The following WWP1 variants were observed in gnomAD, a reference collection of about 807,000 sequenced individuals.
The protein encoded by WWP1 is NEDD4-like E3 ubiquitin-protein ligase WWP1.
WWP1 carries 49 observed loss-of-function variants against 130.6 expected under a neutral mutation model. That is an observed-to-expected ratio of 0.38 (90% CI 0.30 to 0.48). The LOEUF is 0.48. WWP1 is among the 20% of genes least tolerant of loss of function. WWP1 has a pLI of 0.99. For missense variants in WWP1, 809 were observed against 1,100.6 expected (o/e 0.74, Z 3.75); for synonymous variants, 332 against 367.8 (o/e 0.90, Z 1.11).
chr8:86,400,436 A>T (rs542986651), intron 7 of WWP1, among the ~76,000 whole-genome samples: 1 of 152,254 alleles, frequency 6.6e-6, no homozygotes, highest in East Asian at 1.9e-4. Flanking sequence ...ACAGGACAAG[A>T]TGACAGGAAT....
chr8:86,417,418 A>G (rs966300516), intron 9 of WWP1: 1 of 152,216 alleles, frequency 6.6e-6, no homozygotes, highest in Non-Finnish European at 1.5e-5. Context: ...TAGAAAATGC[A>G]CTTTAGAAAA....
chr8:86,345,965 A>T (rs1563452258), intron 1 of WWP1, among the ~76,000 whole-genome samples: 1 of 152,166 alleles, frequency 6.6e-6, no homozygotes, highest in African/African-American at 2.4e-5. Flanking sequence ...GTTGACAATG[A>T]TGGTGTTCTT....
Position 86,467,118 on chromosome 8 carries a change from T to G in WWP1, c.*225T>G, listed in dbSNP as rs544707617. 1 of 403,592 alleles carries G rather than the reference T, an allele frequency of 2.5e-6. No homozygotes were observed. Among genetic ancestry groups the G allele is most frequent in the East Asian group, 5.0e-5 (1 of 19,856 alleles). 25.0% of individuals were successfully genotyped at this position (403,592 alleles called of 1,614,324 possible). ...CCAGGAAAAAGATCATCCTTAAATT[T>G]TGAAGCAAGTGAGAGACTTTATTAA... is the stretch of plus-strand genomic sequence containing the variant. On this transcript the variant is annotated 3_prime_UTR_variant, in exon 25 of 25. Transcript: ENST00000517970.
Position 86,425,203 on chromosome 8 carries a change from T to C in WWP1, c.1062-20T>C, listed in dbSNP as rs766057304. 18 of 1,592,086 alleles carry C rather than the reference T, an allele frequency of 1.1e-5. No individual in the cohort carries two copies. The highest frequency in any genetic ancestry group is 2.7e-5 in the African/African-American group (2 of 73,858). On this transcript the variant is annotated intron_variant, in intron 9 of 24. Transcript: ENST00000517970. The stretch of plus-strand genomic sequence containing the variant: ...CCTAGTGTGTTGTCTCTTACTGTTA[T>C]TTTTGTATTTTTATTAAAGGTGGGA...
At chr8:86,462,857 C>T (rs1285332910) in intron 24 of WWP1, among the ~76,000 whole-genome samples, 5 of 150,352 alleles carry the variant, frequency 3.3e-5, no homozygotes, top group Non-Finnish European at 7.4e-5. Flanking sequence ...TATTCTTCAA[C>T]ACCATACCCT....
chr8:86,427,844 C>T, intron 11 of WWP1, 27 bp downstream of exon 11: 1 of 1,575,440 alleles, frequency 6.3e-7, no homozygotes, highest in Non-Finnish European at 8.6e-7. Context: ...AAGATGTTAA[C>T]ATAACTTCCT....
In WWP1 at chr8:86,431,704, C is replaced by T; in HGVS notation, c.1562C>T (p.Thr521Ile). The T allele has an allele frequency of 6.2e-7, 1 of 1,613,856 alleles. No homozygotes were observed. The highest frequency in any genetic ancestry group is 8.5e-7 in the Non-Finnish European group (1 of 1,179,888). The change falls in exon 14 of 25, where the codon ACA becomes ATA. Residue 521 changes from threonine to isoleucine, a missense_variant. Transcript: ENST00000517970. ...VRYFVDHNTR[T>I]TTFKDPRNGK... is the part of the protein sequence containing the mutation. Reference sequence around the variant, plus strand: ...TACTTTGTTGATCATAACACAAGAACAACAACATTCAAAGATCCTCGCAAT... The same window carrying T: ...TACTTTGTTGATCATAACACAAGAATAACAACATTCAAAGATCCTCGCAAT...
At chr8:86,398,688 T>C in intron 7 of WWP1, 50 bp downstream of exon 7, 1 of 1,582,884 alleles carries the variant, frequency 6.3e-7, no homozygotes, top group Non-Finnish European at 8.6e-7. Context: ...GGAACATATT[T>C]CCTGAATAAG....
In WWP1 at chr8:86,451,214, T is replaced by TAAAAAAAA. The variant is rs61141803; in HGVS notation, c.2274-1313_2274-1306dup. Among the ~76,000 whole-genome samples the TAAAAAAAA allele has an allele frequency of 4.8e-3, 210 of 43,666 alleles. 18 individuals are homozygous for TAAAAAAAA. Among genetic ancestry groups the TAAAAAAAA allele is most frequent in the Non-Finnish European group, 7.6e-3 (180 of 23,614 alleles). The allele number at this position is 43,666 out of a possible 152,430, so 28.6% of individuals were successfully genotyped here. ...GCAACCGAGTGAGACCCTATGTTAT[T>TAAAAAAAA]AAAAAAAAAAAAAAAAAAAAAAAAA... is the stretch of plus-strand genomic sequence containing the variant. On this transcript the variant is annotated intron_variant, in intron 20 of 24. Transcript: ENST00000517970.
chr8:86,439,791 G>T (rs1240776899), intron 17 of WWP1, among the ~76,000 whole-genome samples: 1 of 152,058 alleles, frequency 6.6e-6, no homozygotes, highest in Non-Finnish European at 1.5e-5. Context: ...ACAATTTATT[G>T]TTTAGCAAAA....
chr8:86,466,852 CT>C lies in WWP1; in HGVS notation c.2733del (p.Phe911LeufsTer3). ...KSYEQLKEKLLFAIEETEGFG... is the reference protein window; with the variant it reads ...KSYEQLKEKLXFAIEETEGFG... Reference sequence around the variant, plus strand: ...TTATGAACAACTAAAGGAAAAACTTCTTTTTGCAATAGAAGAGACAGAGGGA... The same window carrying C: ...TTATGAACAACTAAAGGAAAAACTTCTTTTGCAATAGAAGAGACAGAGGGA... On this transcript the variant is annotated frameshift_variant, in exon 25 of 25. Coordinates refer to ENST00000517970, the MANE Select transcript of WWP1 (RefSeq NM_007013.4). LOFTEE classifies it high-confidence loss of function. 6.2e-7 allele frequency: 1 copy of C among 1,605,584 alleles called. No homozygotes were observed. The highest frequency in any genetic ancestry group is 1.1e-5 in the South Asian group (1 of 90,004).
intron 2 of WWP1, 47 bp from the exon 3 acceptor site, chr8:86,373,983 A>T: frequency 7.1e-7 from 1 of 1,411,304 alleles, no homozygotes; most frequent in Non-Finnish European, 9.7e-7. Context: ...CTTGAAAATT[A>T]CAAACTCTTA....
intron 8 of WWP1, among the ~76,000 whole-genome samples, chr8:86,407,764 T>G (rs1186906165): frequency 2.0e-5 from 3 of 152,168 alleles, no homozygotes; most frequent in South Asian, 4.1e-4. Context: ...AGTTTCAGAT[T>G]TACAGAAAAA....
chr8:86,455,073 C>A (rs2130765579), intron 21 of WWP1, among the ~76,000 whole-genome samples: 1 of 152,060 alleles, frequency 6.6e-6, no homozygotes, highest in Admixed American at 6.6e-5. Flanking sequence ...TATGCATAGT[C>A]ACACCGCCCT....
chr8:86,351,990 A>G (rs1363539394), intron 1 of WWP1, among the ~76,000 whole-genome samples: 1 of 150,264 alleles, frequency 6.7e-6, no homozygotes, highest in East Asian at 2.0e-4. Context: ...TTGGGGTCCT[A>G]GTGTGCTCTG....
At chr8:86,426,321 C>T (rs1360219408) in intron 10 of WWP1, among the ~76,000 whole-genome samples, 2 of 152,146 alleles carry the variant, frequency 1.3e-5, no homozygotes, top group South Asian at 2.1e-4. Flanking sequence ...TCATCTTTAG[C>T]GTCTATTATT....
intron 1 of WWP1, among the ~76,000 whole-genome samples, chr8:86,367,405 T>G (rs1824032778): frequency 6.6e-6 from 1 of 152,234 alleles, no homozygotes; most frequent in Non-Finnish European, 1.5e-5. Context: ...TTCTCTTTCT[T>G]TCTTTCACAA....
At chr8:86,377,139 G>T (rs919473384) in intron 3 of WWP1, among the ~76,000 whole-genome samples, 1 of 152,044 alleles carries the variant, frequency 6.6e-6, no homozygotes, top group Non-Finnish European at 1.5e-5. Context: ...AGGCTGGAGT[G>T]CAGTGGCGTG....
At chr8:86,380,232 G>A (rs1462191870) in intron 3 of WWP1, among the ~76,000 whole-genome samples, 1 of 152,092 alleles carries the variant, frequency 6.6e-6, no homozygotes, top group African/African-American at 2.4e-5. Flanking sequence ...GTAATGCTGA[G>A]TGAAAGAAGC....
Sources: allele counts gnomAD v4.1 joint callset (sites outside exome capture counted in the v4.1 genomes callset), GRCh38; gene constraint gnomAD v4.1.1; transcripts MANE v1.5; gene names NCBI Gene and HGNC (gene_info 2026-07-23, HGNC 2026-07-21).